TDRD9: variants seen among roughly 807,000 people sequenced by gnomAD.
TDRD9 encodes tudor domain containing 9.
In TDRD9, 124 loss-of-function variants were observed where a neutral mutation model predicts 172.6. The observed-to-expected ratio is 0.72, with a 90% CI of 0.62 to 0.83. The LOEUF is 0.83. TDRD9 is among the 40% of genes least tolerant of loss of function. The pLI is 0.00. For synonymous variants in TDRD9, 619 were observed against 617.1 expected, an observed-to-expected ratio of 1.00 and a Z score of -0.05; for missense variants, 1,479 against 1,714.1, an observed-to-expected ratio of 0.86 and a Z score of 2.42.
chr14:104,037,224 C>T (rs548310796), intron 32 of TDRD9, among the ~76,000 whole-genome samples: 5 of 152,212 alleles, frequency 3.3e-5, no homozygotes, highest in East Asian at 1.9e-4. Context: ...AGGTGTGTTC[C>T]GGAGGGGAGC....
intron 27 of TDRD9, among the ~76,000 whole-genome samples, chr14:104,026,454 T>C (rs999890218): frequency 1.3e-5 from 2 of 152,230 alleles, no homozygotes; most frequent in Non-Finnish European, 2.9e-5. Context: ...GCCCTTACCA[T>C]CAGTATGAAG....
chr14:104,046,731 C>T (rs928244941), intron 34 of TDRD9, among the ~76,000 whole-genome samples: 14 of 151,788 alleles, frequency 9.2e-5, no homozygotes, highest in African/African-American at 2.7e-4. Context: ...CTGCAAGCTC[C>T]GCCCCCCGGG....
At chr14:104,050,391 TGAA>T (rs1369806391) in intron 35 of TDRD9, among the ~76,000 whole-genome samples, 2 of 152,120 alleles carry the variant, frequency 1.3e-5, no homozygotes, top group African/African-American at 4.8e-5. Context: ...AGTTGAGTCA[TGAA>T]GAAGGACAAA....
Position 104,018,121 on chromosome 14 carries a change from T to G in TDRD9, c.2361T>G (p.Leu787=). Residue 787 remains leucine (L), a synonymous_variant, in exon 23 of 36, where the codon CTT becomes CTG. Coordinates refer to ENST00000409874, the MANE Select transcript of TDRD9 (RefSeq NM_153046.3). Reference sequence around the variant, plus strand: ...AACACATTCCTCCCTATGGATTTCTTTACTATAAACAACTACAGTCTCTCT... The same window carrying G: ...AACACATTCCTCCCTATGGATTTCTGTACTATAAACAACTACAGTCTCTCT... ...VLKHIPPYGF[L]YYKQLQSLFR... 6.2e-7 allele frequency: 1 copy of G among 1,606,778 alleles called. No individual in the cohort carries two copies. Among genetic ancestry groups the G allele is most frequent in the African/African-American group, 1.3e-5 (1 of 74,934 alleles).
chr14:103,968,380 C>T (rs1422221125), intron 5 of TDRD9, among the ~76,000 whole-genome samples: 1 of 152,130 alleles, frequency 6.6e-6, no homozygotes, highest in African/African-American at 2.4e-5. Flanking sequence ...CATATAGTAT[C>T]GTTTGCATTA....
chr14:103,940,600 G>A, intron 1 of TDRD9: 1 of 442,804 alleles, frequency 2.3e-6, no homozygotes, highest in Non-Finnish European at 4.0e-6. Context: ...AAAATACTTA[G>A]GAAACATTTT....
At chr14:103,942,500 A>G (rs1032308494) in intron 1 of TDRD9, among the ~76,000 whole-genome samples, 6 of 152,242 alleles carry the variant, frequency 3.9e-5, no homozygotes, top group African/African-American at 1.4e-4. Context: ...CTAAAGCACC[A>G]TAGATGCGCT....
intron 32 of TDRD9, among the ~76,000 whole-genome samples, chr14:104,036,223 A>G (rs2035446565): frequency 6.6e-6 from 1 of 152,204 alleles, no homozygotes; most frequent in African/African-American, 2.4e-5. Flanking sequence ...TGATAATTGT[A>G]TCATATATCA....
chr14:104,051,717 T>C (rs200470398), intron 35 of TDRD9, among the ~76,000 whole-genome samples: 2 of 152,362 alleles, frequency 1.3e-5, no homozygotes, highest in South Asian at 2.1e-4. Flanking sequence ...GTGTGGAGCA[T>C]TTTTAAATGT....
chr14:104,051,762 T>G (rs61451840), intron 35 of TDRD9, among the ~76,000 whole-genome samples: 4,608 of 152,338 alleles, frequency 0.03, 148 homozygotes, highest in African/African-American at 0.081. Flanking sequence ...TGAGAAGCGT[T>G]CATGTCTTTT....
intron 1 of TDRD9, among the ~76,000 whole-genome samples, chr14:103,931,298 CAAAA>C (rs35115834): frequency 7.6e-6 from 1 of 132,100 alleles, no homozygotes; most frequent in Non-Finnish European, 1.7e-5. Flanking sequence ...GACCCTGTCT[CAAAA>C]AAAAAAAAAA....
chr14:103,932,299 G>A (rs973903058), intron 1 of TDRD9, among the ~76,000 whole-genome samples: 5 of 152,216 alleles, frequency 3.3e-5, no homozygotes, highest in Non-Finnish European at 7.3e-5. Context: ...TGGATACTTG[G>A]ATACTTGTTG....
At chr14:104,019,526 A>G (rs1026937472) in intron 23 of TDRD9, among the ~76,000 whole-genome samples, 3 of 152,118 alleles carry the variant, frequency 2.0e-5, no homozygotes, top group Admixed American at 6.6e-5. Context: ...TCAAGTCATA[A>G]TACAAATGTC....
intron 24 of TDRD9, among the ~76,000 whole-genome samples, chr14:104,023,130 A>G (rs1170177794): frequency 3.9e-5 from 5 of 128,082 alleles, no homozygotes; most frequent in African/African-American, 1.4e-4. Flanking sequence ...TGCAGTGATG[A>G]GCTGAGATCA....
intron 34 of TDRD9, among the ~76,000 whole-genome samples, chr14:104,044,155 C>T (rs1297078815): frequency 6.6e-6 from 1 of 152,162 alleles, no homozygotes; most frequent in Non-Finnish European, 1.5e-5. Context: ...CGCTGCCAGT[C>T]ACTAGAGCTG....
chr14:103,968,127 A>G (rs1300804064), intron 5 of TDRD9, among the ~76,000 whole-genome samples: 4 of 140,398 alleles, frequency 2.8e-5, no homozygotes, highest in Admixed American at 1.4e-4. Context: ...AAATCCATCA[A>G]TGCTGTGTTA....
intron 27 of TDRD9, 92 bp downstream of exon 27, chr14:104,026,228 T>A: frequency 1.1e-6 from 1 of 892,254 alleles, no homozygotes; most frequent in Non-Finnish European, 1.8e-6. Context: ...TGCCTCGGCT[T>A]ACAGCTAGGG....
intron 8 of TDRD9, 89 bp from the exon 9 acceptor site, chr14:103,991,071 G>T: frequency 6.7e-7 from 1 of 1,492,418 alleles, no homozygotes; most frequent in Admixed American, 1.8e-5. Context: ...GAGCCTTTCA[G>T]GATTAAAAGC....
chr14:103,933,896 G>A (rs1595887974), intron 1 of TDRD9, among the ~76,000 whole-genome samples: 3 of 152,342 alleles, frequency 2.0e-5, no homozygotes, highest in Admixed American at 6.5e-5. Flanking sequence ...TGTAGAATGG[G>A]TGTGTTGGAC....
Sources: allele counts gnomAD v4.1 joint callset (sites outside exome capture counted in the v4.1 genomes callset), GRCh38; gene constraint gnomAD v4.1.1; transcripts MANE v1.5; gene names NCBI Gene and HGNC (gene_info 2026-07-23, HGNC 2026-07-21).